B9D1: variants seen among roughly 807,000 people sequenced by gnomAD.
B9D1 encodes B9 domain containing 1.
A neutral mutation model predicts 26.1 loss-of-function variants in B9D1; 20 were observed. The ratio of observed to expected loss-of-function variants is 0.77; its 90% CI spans 0.54 to 1.12. The LOEUF (loss-of-function observed/expected upper bound fraction) is 1.12, where lower values mean the gene tolerates loss of function less well. Ranked by LOEUF, B9D1 falls within the 50% of genes most tolerant of loss-of-function variation. The pLI is 0.00. For synonymous variants in B9D1, 105 were observed against 103.1 expected (o/e 1.02, Z -0.11); for missense variants, 260 against 273.7 (o/e 0.95, Z 0.35).
chr17:19,344,456 AC>A, intron 5 of B9D1: 1 of 254,600 alleles, frequency 3.9e-6, no homozygotes, highest in Non-Finnish European at 8.0e-6. Context: ...CCAGCCCCAG[AC>A]CCCAGTTGGG....
In B9D1 at chr17:19,343,363, G is replaced by T. The variant is rs1355797261; in HGVS notation, c.571C>A (p.Gln191Lys). The T allele has an allele frequency of 3.7e-6, 6 of 1,614,066 alleles. No homozygotes were observed. The highest frequency in any genetic ancestry group is 4.2e-6 in the Non-Finnish European group (5 of 1,180,026). Residue 191 changes from glutamine (Q) to lysine (K), a missense_variant, in exon 7 of 7, where the codon CAG becomes AAG. Coordinates refer to ENST00000261499, the MANE Select transcript of B9D1 (RefSeq NM_015681.6). ...LGYDTGPSDTQGVLGPSPPQS... is the reference protein window; with the variant it reads ...LGYDTGPSDTKGVLGPSPPQS... ...GGTGGGCTGGGCCCCAACACACCCT[G>T]TGTATCAGAAGGCCCAGTGTCATAG...
chr17:19,367,089 C>T (rs1424259615), upstream of B9D1, among the ~76,000 whole-genome samples: 1 of 152,130 alleles, frequency 6.6e-6, no homozygotes, highest in Admixed American at 6.5e-5. Flanking sequence ...GGCATACATG[C>T]TTCAGAAGGG....
chr17:19,353,506 G>A (rs1909930881), intron 3 of B9D1, among the ~76,000 whole-genome samples: 1 of 151,874 alleles, frequency 6.6e-6, no homozygotes, highest in African/African-American at 2.4e-5. Context: ...TGGGCATAGT[G>A]GCAGGCGCCT....
chr17:19,369,837 C>T (rs1911798575), intron 1 of B9D1, among the ~76,000 whole-genome samples: 1 of 152,180 alleles, frequency 6.6e-6, no homozygotes, highest in Non-Finnish European at 1.5e-5. Context: ...TTCTGGAAGA[C>T]TCGCTGTGTG....
At chr17:19,336,906 G>A (rs1230314203), downstream of B9D1, among the ~76,000 whole-genome samples, 16 of 152,180 alleles carry the variant, frequency 1.1e-4, no homozygotes, top group Admixed American at 1.0e-3. Context: ...GGTGGGAGGC[G>A]TGCCTTTTGT....
chr17:19,372,836 C>T lies in B9D1; in HGVS notation c.-298+5023G>A, dbSNP rs757203823. 1.3e-5 allele frequency among the ~76,000 whole-genome samples: 2 copies of T among 152,250 alleles called. No individual in the cohort carries two copies. Among genetic ancestry groups the T allele is most frequent in the South Asian group, 2.1e-4 (1 of 4,834 alleles). On this transcript the variant is annotated intron_variant, in intron 1 of 5. Transcript: ENST00000477478. The surrounding 1 kb of genome is among the most constrained non-coding windows in gnomAD (Gnocchi z 4.4). ...AACATCAGCAGAGCGGCACCCTGCTCGGACAATTCACCTGCGCTCCTCAAA... is the reference window on the plus strand; with the variant it reads ...AACATCAGCAGAGCGGCACCCTGCTTGGACAATTCACCTGCGCTCCTCAAA...
chr17:19,373,681 G>T (rs886801201), intron 1 of B9D1, among the ~76,000 whole-genome samples: 1 of 152,032 alleles, frequency 6.6e-6, no homozygotes, highest in South Asian at 2.1e-4. Context: ...TTGAGACACC[G>T]CGCCCAGCCT....
At position 19,372,378 on chromosome 17, in the gene B9D1, C is replaced by T. The variant is rs1213135726; in HGVS notation, c.-298+5481G>A. 6.6e-6 allele frequency: 1 copy of T among 152,516 alleles called. No homozygotes were observed. Among genetic ancestry groups the T allele is most frequent in the Non-Finnish European group, 1.5e-5 (1 of 68,238 alleles). The allele number at this position is 152,516 out of a possible 1,614,324, so 9.4% of individuals were successfully genotyped here. The stretch of plus-strand genomic sequence containing the variant: ...CATGGTCTCACCCCTGCCTAACTTT[C>T]TCGTCTCCATGTCTCTGTGACCCCC... On this transcript the variant is annotated intron_variant, in intron 1 of 5. Coordinates refer to the B9D1 transcript ENST00000477478. This position sits in a 1 kb window ranked among gnomAD's most constrained non-coding sequence, Gnocchi z 4.4.
chr17:19,374,920 T>C (rs1490346906), intron 1 of B9D1, among the ~76,000 whole-genome samples: 1 of 152,238 alleles, frequency 6.6e-6, no homozygotes, highest in Non-Finnish European at 1.5e-5. Flanking sequence ...CTGTAAATCA[T>C]CTGATAAGGG....
At chr17:19,367,824 C>A (rs1031867534) in intron 1 of B9D1, among the ~76,000 whole-genome samples, 1 of 152,228 alleles carries the variant, frequency 6.6e-6, no homozygotes, top group African/African-American at 2.4e-5. Context: ...GCTTCCTCAG[C>A]CCCTTGGTCA....
chr17:19,343,760 A>G lies in B9D1; in HGVS notation c.472+30T>C, dbSNP rs760812892. The G allele has an allele frequency of 5.6e-6, 9 of 1,612,976 alleles. No homozygotes were observed. The East Asian group carries it at 1.8e-4, about 32-fold the overall frequency. ...TCCCAGGCTGTAACCTGTATGGGGG[A>G]TGGGGGTAAGAGAGGGGAGGGAGCT... On this transcript the variant is annotated intron_variant, in intron 6 of 6. Transcript: ENST00000261499.
At chr17:19,353,009 C>A (rs1388181612) in intron 3 of B9D1, among the ~76,000 whole-genome samples, 1 of 151,458 alleles carries the variant, frequency 6.6e-6, no homozygotes, top group Non-Finnish European at 1.5e-5. Flanking sequence ...TGGAGTCTCA[C>A]TCTGTCGCCA....
chr17:19,350,271 C>T (rs184662529), intron 3 of B9D1, among the ~76,000 whole-genome samples: 20 of 151,948 alleles, frequency 1.3e-4, no homozygotes, highest in East Asian at 1.9e-4. Context: ...TTAGGCGAGG[C>T]GCGGTGGCTC....
Position 19,347,114 on chromosome 17 carries a change from C to T in B9D1, c.404+155G>A. 1 of 1,578,338 alleles carries T rather than the reference C, an allele frequency of 6.3e-7. No individual in the cohort carries two copies. Among genetic ancestry groups the T allele is most frequent in the South Asian group, 1.1e-5 (1 of 87,170 alleles). On this transcript the variant is annotated intron_variant, in intron 5 of 6. Transcript: ENST00000261499. This position sits in a 1 kb window ranked among gnomAD's most constrained non-coding sequence, Gnocchi z 4.3. ...AACAGGGCTGAAGGGAGCCCCGTGA[C>T]TCAGCACTCCCAGGGGACCTGTTTC...
At chr17:19,364,531 G>T (rs1021120243), upstream of B9D1, 2 of 152,262 alleles carry the variant, frequency 1.3e-5, no homozygotes, top group Admixed American at 6.5e-5. This position sits in a 1 kb window ranked among gnomAD's most constrained non-coding sequence, Gnocchi z 4.3. Flanking sequence ...GGAGAAGGTA[G>T]TTTCTGCAGA....
intron 3 of B9D1, among the ~76,000 whole-genome samples, chr17:19,355,958 T>A (rs1226104300): frequency 6.6e-6 from 1 of 152,264 alleles, no homozygotes; most frequent in Non-Finnish European, 1.5e-5. Context: ...TCTATTGCTT[T>A]ATTGCCTTAT....
downstream of B9D1, chr17:19,337,780 A>C (rs561392154): frequency 2.8e-5 from 42 of 1,488,218 alleles, 1 homozygote; most frequent in South Asian, 4.8e-4. Context: ...AGGGTCAAGC[A>C]TAGATTTCTT....
upstream of B9D1, among the ~76,000 whole-genome samples, chr17:19,365,145 C>T (rs1048555001): frequency 1.3e-5 from 2 of 152,286 alleles, no homozygotes; most frequent in African/African-American, 4.8e-5. This position sits in a 1 kb window ranked among gnomAD's most constrained non-coding sequence, Gnocchi z 5.0. Flanking sequence ...CTGCACAGCG[C>T]TGGTGAGCGA....
chr17:19,335,425 C>T, downstream of B9D1: 1 of 1,550,092 alleles, frequency 6.5e-7, no homozygotes. Context: ...ATTAACAGGA[C>T]TTCTGTTTAC....
Sources: allele counts gnomAD v4.1 joint callset (sites outside exome capture counted in the v4.1 genomes callset), GRCh38; gene constraint gnomAD v4.1.1; non-coding constraint Gnocchi (gnomAD v3.1); transcripts MANE v1.5; gene names NCBI Gene and HGNC (gene_info 2026-07-23, HGNC 2026-07-21).